Variants in VAC14 observed in about 807,000 individuals in gnomAD.
VAC14 encodes protein VAC14 homolog.
In VAC14, 47 loss-of-function variants were observed where a neutral mutation model predicts 85.3. The ratio of observed to expected loss-of-function variants is 0.55; its 90% CI spans 0.44 to 0.70. The LOEUF is 0.70. VAC14 is among the 30% of genes least tolerant of loss of function. The pLI, the probability that VAC14 is intolerant of heterozygous loss-of-function variation, is 0.00. For synonymous variants in VAC14, 447 were observed against 430.5 expected (o/e 1.04, Z -0.47); for missense variants, 861 against 1,004.3 (o/e 0.86, Z 1.93).
rs1337788042 is a variant in VAC14 at position 70,762,327 on chromosome 16, C to T, written c.1371+213G>A. On this transcript the variant is annotated intron_variant, in intron 12 of 18. Coordinates refer to ENST00000261776, the MANE Select transcript of VAC14 (RefSeq NM_018052.5). The surrounding 1 kb of genome is among the most constrained non-coding windows in gnomAD (Gnocchi z 4.1). ...TTCACCATGTTGGCCAGGCTAGTCT[C>T]GAACTCCTGGCCTCAAGTGATCCAC... Among the ~76,000 whole-genome samples, 5 of 152,102 alleles carry T rather than the reference C, an allele frequency of 3.3e-5. No individual in the cohort carries two copies. The highest frequency in any genetic ancestry group is 3.3e-4 in the Admixed American group (5 of 15,272).
At chr16:70,699,087 A>G (rs535011883) in intron 14 of VAC14, among the ~76,000 whole-genome samples, 57 of 152,320 alleles carry the variant, frequency 3.7e-4, no homozygotes, top group African/African-American at 1.3e-3. Context: ...CAAGAGAAAC[A>G]GCTGGGCCTC....
rs752121412 is a variant in VAC14 at position 70,692,957 on chromosome 16, G to A, written c.2050C>T (p.Leu684=). The change falls in exon 18 of 19, where the codon CTG becomes TTG. Residue 684 remains leucine (L), a synonymous_variant. Transcript: ENST00000261776. The part of the protein sequence containing the change: ...CPIFTYLRLQ[L]LDVKNNPYLI... The stretch of plus-strand genomic sequence containing the variant: ...TAGGGGTTGTTCTTCACGTCCAGCA[G>A]CTGCAGGCGCAGATCTGGGGTAGGC... 2 of 1,610,856 alleles carry A rather than the reference G, an allele frequency of 1.2e-6. No homozygotes were observed. Among genetic ancestry groups the A allele is most frequent in the Non-Finnish European group, 1.7e-6 (2 of 1,179,372 alleles).
chr16:70,691,276 C>T, intron 18 of VAC14: 3 of 985,436 alleles, frequency 3.0e-6, no homozygotes, highest in Non-Finnish European at 3.6e-6. Flanking sequence ...GCCAGGAGGA[C>T]TCCCAGGAAG....
At chr16:70,768,711 A>T in intron 10 of VAC14, 1 of 419,940 alleles carries the variant, frequency 2.4e-6, no homozygotes, top group East Asian at 7.9e-5. Context: ...CCAAGTGAGA[A>T]ATCTTTCATA....
rs540077390 is a variant in VAC14 at position 70,708,180 on chromosome 16, C to T, written c.1662-9369G>A. Reference sequence around the variant, plus strand: ...TCAAGCCCCCTGTTCTTTCCCAGGACAGCCCTCCCCTGTCTCCTGCCTCAC... The same window carrying T: ...TCAAGCCCCCTGTTCTTTCCCAGGATAGCCCTCCCCTGTCTCCTGCCTCAC... On this transcript the variant is annotated intron_variant, in intron 14 of 18. Transcript: ENST00000261776. Among the ~76,000 whole-genome samples, 18 of 152,348 alleles carry T rather than the reference C, an allele frequency of 1.2e-4. No homozygotes were observed. In the Middle Eastern group the frequency reaches 0.01, roughly 86 times the overall value.
At chr16:70,735,501 C>T (rs892295916) in intron 13 of VAC14, among the ~76,000 whole-genome samples, 5 of 152,310 alleles carry the variant, frequency 3.3e-5, no homozygotes, top group Admixed American at 3.3e-4. Flanking sequence ...AGACTCTCCT[C>T]CCAGGAGCTC....
Position 70,762,750 on chromosome 16 carries a change from C to A in VAC14, c.1305+131G>T, listed in dbSNP as rs532084700. The A allele has an allele frequency of 5.4e-4, 823 of 1,514,524 alleles. No homozygotes were observed. The highest frequency in any genetic ancestry group is 1.0e-3 in the Admixed American group (53 of 53,118). 93.8% of individuals were successfully genotyped at this position (1,514,524 alleles called of 1,614,324 possible). On this transcript the variant is annotated intron_variant, in intron 11 of 18. Coordinates refer to ENST00000261776, the MANE Select transcript of VAC14 (RefSeq NM_018052.5). This position sits in a 1 kb window ranked among gnomAD's most constrained non-coding sequence, Gnocchi z 4.1. The stretch of plus-strand genomic sequence containing the variant: ...GACACAATGAGGGCTCCTCGCAGCA[C>A]CTGTCACTTCTCTGCCGGCCAGGGT...
intron 1 of VAC14, among the ~76,000 whole-genome samples, chr16:70,790,623 G>A (rs554922130): frequency 6.6e-6 from 1 of 152,166 alleles, no homozygotes; most frequent in Admixed American, 6.5e-5. Context: ...AAGTAACAGG[G>A]CCTCCTGAGG....
chr16:70,692,849 C>T lies in VAC14; in HGVS notation c.2158G>A (p.Val720Met), dbSNP rs761901472. The T allele has an allele frequency of 3.1e-5, 50 of 1,602,452 alleles. No homozygotes were observed. Among genetic ancestry groups the T allele is most frequent in the East Asian group, 6.7e-5 (3 of 44,490 alleles). ...GTCTGCAGCAGCTCAGGGTTGGGCACGCACTGGAGCCGGTGCGAGAGCAGC... is the reference window on the plus strand; with the variant it reads ...GTCTGCAGCAGCTCAGGGTTGGGCATGCACTGGAGCCGGTGCGAGAGCAGC... ...FQLLSHRLQC[V>M]PNPELLQTED... The change falls in exon 18 of 19, where the codon GTG becomes ATG. Residue 720 changes from valine (V) to methionine (M), a missense_variant. By Grantham distance (21) the Val-to-Met change is conservative. Around this residue, in one of 3 missense-constraint regions of VAC14, gnomAD observed 163 missense variants for 162.2 expected, o/e 1.00. Coordinates refer to ENST00000261776, the MANE Select transcript of VAC14 (RefSeq NM_018052.5).
At chr16:70,726,859 C>T (rs1252935822) in intron 14 of VAC14, among the ~76,000 whole-genome samples, 1 of 152,194 alleles carries the variant, frequency 6.6e-6, no homozygotes, top group Admixed American at 6.5e-5. Context: ...TTATGTCCAC[C>T]AGAAAAGGAG....
At chr16:70,791,660 T>C (rs570199077) in intron 1 of VAC14, among the ~76,000 whole-genome samples, 3 of 152,340 alleles carry the variant, frequency 2.0e-5, no homozygotes, top group South Asian at 4.1e-4. Context: ...GCTGGGATTA[T>C]AGGCATGAGC....
chr16:70,783,627 C>T, intron 5 of VAC14, 73 bp from the exon 6 acceptor site: 1 of 1,490,456 alleles, frequency 6.7e-7, no homozygotes, highest in Non-Finnish European at 9.3e-7. Flanking sequence ...GCCTCTGGGA[C>T]TGGGCTGTAG....
chr16:70,759,904 T>C (rs1222266718), intron 12 of VAC14, among the ~76,000 whole-genome samples: 1 of 152,194 alleles, frequency 6.6e-6, no homozygotes, highest in African/African-American at 2.4e-5. Flanking sequence ...GTTTGGGCTC[T>C]ACCACCTCCT....
At chr16:70,794,063 G>A (rs370723124) in intron 1 of VAC14, among the ~76,000 whole-genome samples, 1 of 152,070 alleles carries the variant, frequency 6.6e-6, no homozygotes, top group Non-Finnish European at 1.5e-5. Context: ...TTGATCTCGG[G>A]TGACAGTAGT....
intron 12 of VAC14, among the ~76,000 whole-genome samples, chr16:70,754,538 C>T (rs908756914): frequency 1.3e-5 from 2 of 152,118 alleles, no homozygotes; most frequent in Admixed American, 6.5e-5. Flanking sequence ...CTCAGAAGCC[C>T]CCAAAAGAAG....
chr16:70,762,756 A>G lies in VAC14; in HGVS notation c.1305+125T>C. Reference sequence around the variant, plus strand: ...ATGAGGGCTCCTCGCAGCACCTGTCACTTCTCTGCCGGCCAGGGTTTCCCT... The same window carrying G: ...ATGAGGGCTCCTCGCAGCACCTGTCGCTTCTCTGCCGGCCAGGGTTTCCCT... On this transcript the variant is annotated intron_variant, in intron 11 of 18. Transcript: ENST00000261776. This position sits in a 1 kb window ranked among gnomAD's most constrained non-coding sequence, Gnocchi z 4.1. 1.3e-6 allele frequency: 2 copies of G among 1,524,720 alleles called. No homozygotes were observed. 94.4% of individuals were successfully genotyped at this position (1,524,720 alleles called of 1,614,324 possible). A position where few individuals can be genotyped will look rare whatever the true frequency, so the allele number is the denominator to read the frequency against.
At chr16:70,711,101 C>T (rs979191868) in intron 14 of VAC14, among the ~76,000 whole-genome samples, 7 of 152,234 alleles carry the variant, frequency 4.6e-5, no homozygotes, top group African/African-American at 1.7e-4. Context: ...GCGCATTTAC[C>T]CTCTAGAACA....
In VAC14 at chr16:70,723,998, A is replaced by G. The variant is rs373193896; in HGVS notation, c.1661+7497T>C. Among the ~76,000 whole-genome samples, 5 of 152,152 alleles carry G rather than the reference A, an allele frequency of 3.3e-5. No homozygotes were observed. In the South Asian group the frequency reaches 1.0e-3, roughly 32 times the overall value. On this transcript the variant is annotated intron_variant, in intron 14 of 18. Coordinates refer to ENST00000261776, the MANE Select transcript of VAC14 (RefSeq NM_018052.5). ...GGGTCACCCTGAAGGACACATGGCCACCTCTTGCCAAGTTCACCTGTGACC... is the reference window on the plus strand; with the variant it reads ...GGGTCACCCTGAAGGACACATGGCCGCCTCTTGCCAAGTTCACCTGTGACC...
At chr16:70,770,804 G>A (rs1448632120) in intron 10 of VAC14, 2 of 152,238 alleles carry the variant, frequency 1.3e-5, no homozygotes, top group African/African-American at 2.4e-5. Flanking sequence ...AGGAGAGAAT[G>A]GCAACATTCG....
Sources: allele counts gnomAD v4.1 joint callset (sites outside exome capture counted in the v4.1 genomes callset), GRCh38; gene constraint gnomAD v4.1.1; regional missense constraint gnomAD v4.1.1; non-coding constraint Gnocchi (gnomAD v3.1); transcripts MANE v1.5; gene names NCBI Gene and HGNC (gene_info 2026-07-23, HGNC 2026-07-21).